TKTL1: variants seen among roughly 807,000 people sequenced by gnomAD.
The protein encoded by TKTL1 is transketolase-like protein 1.
A neutral mutation model predicts 39.3 loss-of-function variants in TKTL1; 1 was observed. The ratio of observed to expected loss-of-function variants is 0.03; its 90% CI spans 0.01 to 0.12. The LOEUF is 0.12. Ranked by LOEUF, TKTL1 falls within the 10% of genes least tolerant of loss-of-function variation. The pLI, the probability that TKTL1 is intolerant of heterozygous loss-of-function variation, is 1.00. For synonymous variants in TKTL1, 262 were observed against 193.8 expected, an observed-to-expected ratio of 1.35 and a Z score of -2.92; for missense variants, 575 against 509.6, an observed-to-expected ratio of 1.13 and a Z score of -1.24.
At chrX:154,296,976 C>T (rs1603350399) in intron 1 of TKTL1, among the ~76,000 whole-genome samples, 2 of 111,792 alleles carry the variant, frequency 1.8e-5, no homozygotes, top group Middle Eastern at 4.6e-3. Context: ...TGGGCAAGAG[C>T]GAGACCGTGC....
rs143775860 is a variant in TKTL1 at position 154,312,588 on chromosome X, G to A, written c.679G>A (p.Asp227Asn). The change falls in exon 6 of 13, where the codon GAT becomes AAT. Residue 227 changes from aspartate to asparagine, a missense_variant. Transcript: ENST00000369915. Reference sequence around the variant, plus strand: ...TGTTTGTTTCATTACAGGTATTGAGGATGCAGAAAGTTGGCATGCAAAGCC... The same window carrying A: ...TGTTTGTTTCATTACAGGTATTGAGAATGCAGAAAGTTGGCATGCAAAGCC... ...FKGRGTPSIE[D>N]AESWHAKPMP... The A allele has an allele frequency of 3.1e-5, 38 of 1,206,908 alleles. No homozygotes were observed. The highest frequency in any genetic ancestry group is 3.9e-5 in the Non-Finnish European group (35 of 893,404).
Position 154,300,054 on chromosome X carries a change from C to T in TKTL1, c.134+4061C>T, listed in dbSNP as rs186278723. 5.4e-3 allele frequency among the ~76,000 whole-genome samples: 512 copies of T among 94,912 alleles called. 3 individuals are homozygous for T. Among genetic ancestry groups the T allele is most frequent in the Non-Finnish European group, 8.5e-3 (415 of 48,843 alleles). The allele number at this position is 94,912 out of a possible 115,157, so 82.4% of individuals were successfully genotyped here. A position where few individuals can be genotyped will look rare whatever the true frequency, so the allele number is the denominator to read the frequency against. On this transcript the variant is annotated intron_variant, in intron 1 of 12. Coordinates refer to ENST00000369915, the MANE Select transcript of TKTL1 (RefSeq NM_012253.4). Reference sequence around the variant, plus strand: ...GTCTTGAGACGGAGTCTTGCTCTGTCGCCCAGGCTGGAGGGCAGTGGCGCA... The same window carrying T: ...GTCTTGAGACGGAGTCTTGCTCTGTTGCCCAGGCTGGAGGGCAGTGGCGCA...
intron 6 of TKTL1, among the ~76,000 whole-genome samples, chrX:154,314,661 A>T (rs2067383600): frequency 9.0e-6 from 1 of 110,956 alleles, no homozygotes; most frequent in Non-Finnish European, 1.9e-5. Flanking sequence ...AGTAGCTAGG[A>T]TTACAGGCTC....
chrX:154,309,304 C>T (rs1426255880), intron 2 of TKTL1, 41 bp from the exon 3 acceptor site: 2 of 1,107,945 alleles, frequency 1.8e-6, no homozygotes, highest in East Asian at 3.0e-5. Flanking sequence ...ATACCATGTC[C>T]TGCAGCTGCG....
At chrX:154,326,979 T>C (rs1331356010) in intron 10 of TKTL1, among the ~76,000 whole-genome samples, 1 of 112,060 alleles carries the variant, frequency 8.9e-6, no homozygotes, top group Non-Finnish European at 1.9e-5. Context: ...GGGAAACCTA[T>C]ACAGAGGGGA....
At chrX:154,310,773 C>A in intron 3 of TKTL1, 63 bp from the exon 4 acceptor site, 1 of 998,283 alleles carries the variant, frequency 1.0e-6, no homozygotes, top group Non-Finnish European at 1.4e-6. Flanking sequence ...TCCTGAAATG[C>A]ATTTGTTTGG....
chrX:154,301,855 G>A (rs940629888), intron 1 of TKTL1, among the ~76,000 whole-genome samples: 3 of 107,017 alleles, frequency 2.8e-5, no homozygotes, highest in Non-Finnish European at 5.8e-5. Flanking sequence ...GGCCTCCCAA[G>A]ATGCTGGGAT....
intron 7 of TKTL1, among the ~76,000 whole-genome samples, chrX:154,317,925 TAGA>T (rs1408991395): frequency 9.0e-6 from 1 of 111,413 alleles, no homozygotes; most frequent in African/African-American, 3.3e-5. Context: ...GGGCACCTGT[TAGA>T]TGTACAGAGG....
intron 1 of TKTL1, 106 bp downstream of exon 1, chrX:154,296,099 C>T: frequency 9.7e-7 from 1 of 1,033,640 alleles, no homozygotes; most frequent in Non-Finnish European, 1.3e-6. Flanking sequence ...TTCAGAGGCA[C>T]AATGGGCTGT....
In TKTL1 at chrX:154,311,156, C is replaced by T. The variant is rs781995353; in HGVS notation, c.588C>T (p.Cys196=). ...VVDGRDVEAL[C]QVFWQASQVK... ...ACGGCCGGGACGTGGAGGCACTGTG[C>T]CAGGTATTCTGGCAGGCTTCTCAGG... Residue 196 remains cysteine (C), a synonymous_variant, in exon 5 of 13, where the codon TGC becomes TGT. Coordinates refer to ENST00000369915, the MANE Select transcript of TKTL1 (RefSeq NM_012253.4). The T allele has an allele frequency of 1.7e-4, 202 of 1,210,489 alleles. No homozygotes were observed. The South Asian group carries it at 3.4e-3, about 21-fold the overall frequency.
At chrX:154,323,739 C>T (rs972265874) in intron 9 of TKTL1, among the ~76,000 whole-genome samples, 2 of 112,633 alleles carry the variant, frequency 1.8e-5, no homozygotes, top group East Asian at 5.6e-4. Context: ...TGTGTCCTGA[C>T]ATCCAGGAAG....
intron 1 of TKTL1, among the ~76,000 whole-genome samples, chrX:154,302,116 A>C (rs782798076): frequency 9.1e-6 from 1 of 109,635 alleles, no homozygotes; most frequent in East Asian, 2.8e-4. Flanking sequence ...GTTTCCATTC[A>C]CTTTCGGGTT....
At chrX:154,320,460 G>A in intron 7 of TKTL1, 2 of 337,198 alleles carry the variant, frequency 5.9e-6, no homozygotes, top group Non-Finnish European at 1.0e-5. Context: ...AGCAGGAACA[G>A]GACAGATTCA....
At chrX:154,321,028 AGCCTTTTTCTT>A in intron 8 of TKTL1, 115 bp downstream of exon 8, 1 of 915,133 alleles carries the variant, frequency 1.1e-6, no homozygotes, top group African/African-American at 2.0e-5. Flanking sequence ...TGATTATTCA[AGCCTTTTTCTT>A]GAAAAAGCCA....
intron 1 of TKTL1, among the ~76,000 whole-genome samples, chrX:154,302,828 G>A (rs782542787): frequency 9.0e-6 from 1 of 111,612 alleles, no homozygotes; most frequent in Non-Finnish European, 1.9e-5. Flanking sequence ...CACAGACACC[G>A]TGGAGAAACG....
rs371135038 is a variant in TKTL1, at chrX:154,317,747, A to G, written c.1029+2410A>G. Among the ~76,000 whole-genome samples, 13 of 112,303 alleles carry G rather than the reference A, an allele frequency of 1.2e-4. No homozygotes were observed. In the East Asian group the frequency reaches 3.1e-3, roughly 27 times the overall value. ...TTGTCACATATTGCCTTGGCAGGAGAGCCAGCAGGATGCCAACGGCAGGTG... is the reference window on the plus strand; with the variant it reads ...TTGTCACATATTGCCTTGGCAGGAGGGCCAGCAGGATGCCAACGGCAGGTG... On this transcript the variant is annotated intron_variant, in intron 7 of 12. Coordinates refer to ENST00000369915, the MANE Select transcript of TKTL1 (RefSeq NM_012253.4).
intron 6 of TKTL1, 74 bp downstream of exon 6, chrX:154,312,847 C>A: frequency 1.0e-6 from 1 of 971,921 alleles, no homozygotes; most frequent in African/African-American, 1.9e-5. Context: ...TTCGTATGTA[C>A]ACAGGATTCT....
chrX:154,311,316 A>G, intron 5 of TKTL1, 78 bp downstream of exon 5: 4 of 1,167,973 alleles, frequency 3.4e-6, no homozygotes, highest in Non-Finnish European at 1.2e-6. Context: ...AGAGGCTTAG[A>G]GGGGCCTAGG....
intron 1 of TKTL1, among the ~76,000 whole-genome samples, chrX:154,297,179 C>T (rs1224926069): frequency 1.8e-5 from 2 of 111,647 alleles, no homozygotes; most frequent in Middle Eastern, 4.2e-3. Context: ...CAAAAATGAG[C>T]TGTTGAATTT....
Sources: gnomAD v4.1 joint callset for allele counts (sites outside exome capture counted in the v4.1 genomes callset) on GRCh38, gnomAD v4.1.1 for gene constraint, MANE v1.5 for transcripts, NCBI Gene and HGNC (gene_info 2026-07-23, HGNC 2026-07-21) for gene names.